The following CYP2C19 variants were observed in gnomAD, a reference collection of about 807,000 sequenced individuals.
CYP2C19 encodes cytochrome P450 2C19.
CYP2C19 carries 59 observed loss-of-function variants against 40.9 expected under a neutral mutation model. The ratio of observed to expected loss-of-function variants is 1.44; its 90% CI spans 1.17 to 1.79. The LOEUF is 1.79. Ranked by LOEUF, CYP2C19 falls within the 40% of genes most tolerant of loss-of-function variation. CYP2C19 has a pLI of 0.00. For synonymous variants in CYP2C19, 253 were observed against 208.7 expected, an observed-to-expected ratio of 1.21 and a Z score of -1.83; for missense variants, 754 against 596.9, an observed-to-expected ratio of 1.26 and a Z score of -2.74.
chr10:94,775,579 G>T (rs1360916617), intron 3 of CYP2C19, 40 bp downstream of exon 3: 1 of 1,613,698 alleles, frequency 6.2e-7, no homozygotes, highest in African/African-American at 1.3e-5. Flanking sequence ...TTTCTGGACT[G>T]CTCTCCTCTC....
At chr10:94,818,690 T>C (rs1849056390) in intron 5 of CYP2C19, among the ~76,000 whole-genome samples, 1 of 146,394 alleles carries the variant, frequency 6.8e-6, no homozygotes, top group South Asian at 2.2e-4. Flanking sequence ...GGCTCTCTGT[T>C]TGTCTGTTGT....
intron 5 of CYP2C19, among the ~76,000 whole-genome samples, chr10:94,799,630 C>T (rs1848736890): frequency 6.6e-6 from 1 of 152,174 alleles, no homozygotes; most frequent in African/African-American, 2.4e-5. Flanking sequence ...CTTTCTGGTA[C>T]ACCAATCAAA....
intron 5 of CYP2C19, among the ~76,000 whole-genome samples, chr10:94,816,835 T>G (rs1166371643): frequency 8.1e-5 from 12 of 148,634 alleles, no homozygotes; most frequent in Non-Finnish European, 1.2e-4. Context: ...GGTGTTTGGT[T>G]TTTTGTTCTT....
chr10:94,825,864 C>A lies in CYP2C19; in HGVS notation c.961+5227C>A, dbSNP rs1211384133. On this transcript the variant is annotated intron_variant, in intron 6 of 8. Coordinates refer to ENST00000371321, the MANE Select transcript of CYP2C19 (RefSeq NM_000769.4). ...GTGTAAGGAAGGGATCCAGTTTCAG[C>A]TTTCTACATATGGCTAGCCAGCTTT... is the stretch of plus-strand genomic sequence containing the variant. Among the ~76,000 whole-genome samples, 37 of 150,886 alleles carry A rather than the reference C, an allele frequency of 2.5e-4. No individual in the cohort carries two copies. In the East Asian group the frequency reaches 3.7e-3, roughly 15 times the overall value.
Position 94,773,033 on chromosome 10 carries a change from G to A in CYP2C19, c.169-2025G>A, listed in dbSNP as rs141922923. ...GCTGACCTCATGATCCACCCGCCTC[G>A]GCCTCCCAAAGTGCTGGGATTACAG... On this transcript the variant is annotated intron_variant, in intron 1 of 8. Transcript: ENST00000371321. 6.8e-3 allele frequency among the ~76,000 whole-genome samples: 1,032 copies of A among 151,968 alleles called. 11 individuals are homozygous for A. Among genetic ancestry groups the A allele is most frequent in the African/African-American group, 0.022 (920 of 41,458 alleles).
intron 5 of CYP2C19, 83 bp from the exon 6 acceptor site, chr10:94,820,413 T>G: frequency 6.7e-7 from 1 of 1,488,226 alleles, no homozygotes; most frequent in African/African-American, 1.4e-5. Context: ...TTGGTAAGTA[T>G]ACAATGTGAG....
rs61460642 is a variant in CYP2C19, at chr10:94,782,574, T to A, written c.819+577T>A. 4.7e-3 allele frequency among the ~76,000 whole-genome samples: 710 copies of A among 152,234 alleles called. 3 individuals are homozygous for A. Among genetic ancestry groups the A allele is most frequent in the African/African-American group, 0.017 (687 of 41,568 alleles). ...TGGCAATTCCTCAAGGATCTAGAAC[T>A]AGAAATACCATTTGACCCAGCAATC... On this transcript the variant is annotated intron_variant, in intron 5 of 8. Coordinates refer to ENST00000371321, the MANE Select transcript of CYP2C19 (RefSeq NM_000769.4).
At chr10:94,793,306 C>T (rs1848629274) in intron 5 of CYP2C19, among the ~76,000 whole-genome samples, 2 of 152,194 alleles carry the variant, frequency 1.3e-5, no homozygotes, top group South Asian at 4.1e-4. Context: ...AAACATCTTC[C>T]TTTAGCTTGG....
At position 94,852,968 on chromosome 10, in the gene CYP2C19, C is replaced by G; in HGVS notation, c.*54C>G. The G allele has an allele frequency of 3.8e-6, 6 of 1,582,826 alleles. No individual in the cohort carries two copies. The East Asian group carries it at 9.0e-5, about 24-fold the overall frequency. On this transcript the variant is annotated 3_prime_UTR_variant, in exon 9 of 9. Transcript: ENST00000371321. ...TGCTGTCCCTGCAGCTCTCTTTCCT[C>G]TGGTCCAAATTTCACTATCTGTGAT...
intron 5 of CYP2C19, among the ~76,000 whole-genome samples, chr10:94,810,576 T>G (rs749409674): frequency 2.0e-5 from 3 of 152,166 alleles, no homozygotes; most frequent in Non-Finnish European, 4.4e-5. Flanking sequence ...TTGTTATTGG[T>G]CTCTTCACGG....
intron 5 of CYP2C19, among the ~76,000 whole-genome samples, chr10:94,811,695 G>A (rs1848927295): frequency 6.6e-6 from 1 of 151,802 alleles, no homozygotes; most frequent in South Asian, 2.1e-4. Context: ...GACTAGGATT[G>A]CAACCCCTGC....
At chr10:94,830,159 T>A (rs1849308469) in intron 6 of CYP2C19, among the ~76,000 whole-genome samples, 1 of 152,246 alleles carries the variant, frequency 6.6e-6, no homozygotes, top group Non-Finnish European at 1.5e-5. Flanking sequence ...CAGGCAGGCC[T>A]CCTTGAGCTG....
At chr10:94,838,908 C>T (rs1192118144) in intron 6 of CYP2C19, among the ~76,000 whole-genome samples, 1 of 152,126 alleles carries the variant, frequency 6.6e-6, no homozygotes, top group African/African-American at 2.4e-5. Context: ...ATATCATGGC[C>T]AGGCGGTACT....
chr10:94,765,642 T>C (rs1170914870), intron 1 of CYP2C19, among the ~76,000 whole-genome samples: 4 of 151,756 alleles, frequency 2.6e-5, no homozygotes, highest in Admixed American at 2.6e-4. Context: ...TTACTAGTGG[T>C]GGGGGAGCTG....
At chr10:94,825,913 G>A (rs1474277600) in intron 6 of CYP2C19, among the ~76,000 whole-genome samples, 1 of 151,720 alleles carries the variant, frequency 6.6e-6, no homozygotes, top group African/African-American at 2.4e-5. Flanking sequence ...ATTAAATAGG[G>A]AATCCTTTCT....
chr10:94,815,999 C>T (rs901082602), intron 5 of CYP2C19, among the ~76,000 whole-genome samples: 3 of 152,040 alleles, frequency 2.0e-5, no homozygotes, highest in African/African-American at 7.2e-5. Flanking sequence ...GTAATAGTAA[C>T]TTTAACAGAA....
intron 6 of CYP2C19, among the ~76,000 whole-genome samples, chr10:94,837,386 C>T (rs1402110198): frequency 2.6e-5 from 4 of 152,076 alleles, no homozygotes; most frequent in Admixed American, 6.5e-5. Context: ...GCATTCTTTG[C>T]TCATCCATAT....
chr10:94,829,198 T>A (rs949797158), intron 6 of CYP2C19, among the ~76,000 whole-genome samples: 4 of 152,216 alleles, frequency 2.6e-5, no homozygotes, highest in African/African-American at 9.7e-5. Flanking sequence ...TTCCTGAATC[T>A]GAACGTTGGC....
intron 6 of CYP2C19, among the ~76,000 whole-genome samples, chr10:94,835,671 T>C (rs1243272486): frequency 2.0e-5 from 3 of 152,156 alleles, no homozygotes; most frequent in Admixed American, 6.5e-5. Flanking sequence ...CCTAACGGCT[T>C]CCTGAGGTTT....
Sources: allele counts gnomAD v4.1 joint callset (sites outside exome capture counted in the v4.1 genomes callset), GRCh38; gene constraint gnomAD v4.1.1; transcripts MANE v1.5; gene names NCBI Gene and HGNC (gene_info 2026-07-23, HGNC 2026-07-21).